VPS4A: variants seen among roughly 807,000 people sequenced by gnomAD.
The protein encoded by VPS4A is vacuolar protein sorting-associated protein 4A.
Under a neutral mutation model 52.3 loss-of-function variants are expected in VPS4A, and 20 were observed. The observed-to-expected ratio is 0.38, with a 90% CI of 0.27 to 0.56. The LOEUF (loss-of-function observed/expected upper bound fraction) is 0.56. Among genes scored for constraint, VPS4A ranks in the 20% least tolerant of loss-of-function variants. The probability of loss-of-function intolerance (pLI) is 0.72; values close to 1 mark genes in which losing one functional copy is unlikely to be tolerated. For missense variants in VPS4A, 419 were observed against 575.9 expected (o/e 0.73, Z 2.79); for synonymous variants, 293 against 227.7 (o/e 1.29, Z -2.58).
intron 1 of VPS4A, 74 bp from the exon 2 acceptor site, chr16:69,315,934 A>G (rs1597211526): frequency 1.5e-6 from 2 of 1,305,398 alleles, no homozygotes; most frequent in Non-Finnish European, 2.2e-6. Flanking sequence ...GTCACGTTTC[A>G]TCCCCATGCC....
At chr16:69,317,887 G>C (rs1965457974) in intron 3 of VPS4A, among the ~76,000 whole-genome samples, 1 of 151,616 alleles carries the variant, frequency 6.6e-6, no homozygotes, top group African/African-American at 2.4e-5. Flanking sequence ...CTTGAACCCG[G>C]GAGGCGGAGA....
chr16:69,322,859 G>A (rs1447617246), intron 10 of VPS4A, 159 bp downstream of exon 10: 1 of 837,586 alleles, frequency 1.2e-6, no homozygotes, highest in Non-Finnish European at 1.7e-6. Flanking sequence ...CACAAGGTTA[G>A]GAGTTCGAGA....
chr16:69,321,414 C>A lies in VPS4A; in HGVS notation c.1071+144C>A. The A allele has an allele frequency of 2.3e-6, 2 of 865,784 alleles. No homozygotes were observed. Among genetic ancestry groups the A allele is most frequent in the South Asian group, 1.7e-5 (1 of 57,820 alleles). The allele number at this position is 865,784 out of a possible 1,614,324, so 53.6% of individuals were successfully genotyped here. On this transcript the variant is annotated intron_variant, in intron 9 of 10. Transcript: ENST00000254950. This position sits in a 1 kb window ranked among gnomAD's most constrained non-coding sequence, Gnocchi z 4.5. ...CTCCTGGAGAGCCGAGGGCCAGTGCCATGGGGGCTGCACCCACTGTCCCCT... is the reference window on the plus strand; with the variant it reads ...CTCCTGGAGAGCCGAGGGCCAGTGCAATGGGGGCTGCACCCACTGTCCCCT...
chr16:69,313,447 T>A (rs1965401132), intron 1 of VPS4A, among the ~76,000 whole-genome samples: 1 of 152,142 alleles, frequency 6.6e-6, no homozygotes, highest in South Asian at 2.1e-4. Context: ...GCTAATCTAC[T>A]TTTTTTCTCT....
chr16:69,324,638 TA>T lies in VPS4A; in HGVS notation c.*333del. The T allele has an allele frequency of 3.6e-6, 1 of 275,820 alleles. No individual in the cohort carries two copies. Among genetic ancestry groups the T allele is most frequent in the Non-Finnish European group, 7.2e-6 (1 of 138,040 alleles). The allele number at this position is 275,820 out of a possible 1,614,324, so 17.1% of individuals were successfully genotyped here. ...TGGATTTTCATCTTATTTATAAAGA[TA>T]AAATCACCTGGAAGTGTCAAGGAGT... is the stretch of plus-strand genomic sequence containing the variant. On this transcript the variant is annotated 3_prime_UTR_variant, in exon 11 of 11. Coordinates refer to ENST00000254950, the MANE Select transcript of VPS4A (RefSeq NM_013245.3).
At chr16:69,324,183 C>T (rs1965553484) in intron 10 of VPS4A, 25 bp from the exon 11 acceptor site, 1 of 1,606,224 alleles carries the variant, frequency 6.2e-7, no homozygotes, top group Non-Finnish European at 8.5e-7. Flanking sequence ...GGCTCCTGCT[C>T]AGGCACATAC....
chr16:69,311,717 C>A (rs1369345699), intron 1 of VPS4A, among the ~76,000 whole-genome samples, 185 bp downstream of exon 1: 1 of 152,166 alleles, frequency 6.6e-6, no homozygotes, highest in African/African-American at 2.4e-5. Context: ...CGGGTGGCAT[C>A]TCCACCCTCA....
intron 5 of VPS4A, 37 bp downstream of exon 5, chr16:69,318,979 T>C (rs2143258923): frequency 1.2e-6 from 2 of 1,601,250 alleles, no homozygotes; most frequent in East Asian, 4.5e-5. Context: ...AATGTAAAAA[T>C]TCCAGGCTTC....
chr16:69,319,011 C>T, intron 5 of VPS4A, 69 bp downstream of exon 5: 1 of 1,571,570 alleles, frequency 6.4e-7, no homozygotes, highest in Non-Finnish European at 8.6e-7. Flanking sequence ...CACTCCGAGG[C>T]ACCCGGGAGT....
chr16:69,317,417 G>A (rs1362480146), intron 3 of VPS4A, among the ~76,000 whole-genome samples: 1 of 152,134 alleles, frequency 6.6e-6, no homozygotes, highest in African/African-American at 2.4e-5. Context: ...CAGCACTTTG[G>A]GAGGCCAACG....
At position 69,311,419 on chromosome 16, in the gene VPS4A, G is replaced by C; in HGVS notation, c.-93G>C. 8.3e-7 allele frequency: 1 copy of C among 1,210,776 alleles called. No homozygotes were observed. Among genetic ancestry groups the C allele is most frequent in the East Asian group, 3.4e-5 (1 of 29,016 alleles). The allele number at this position is 1,210,776 out of a possible 1,614,324, so 75.0% of individuals were successfully genotyped here. On this transcript the variant is annotated 5_prime_UTR_variant, in exon 1 of 11. Transcript: ENST00000254950. ...CACCGCGCTCAGCGCCCACCGCCGG[G>C]CTTCCCGCGCCGGACCCAGTACCTC...
At chr16:69,322,263 T>A (rs1186239059) in intron 9 of VPS4A, 7 of 240,998 alleles carry the variant, frequency 2.9e-5, no homozygotes, top group Non-Finnish European at 4.8e-5. Flanking sequence ...CAGTTCAAGT[T>A]GAAATGTGGG....
At position 69,316,287 on chromosome 16, in the gene VPS4A, C is replaced by T. The variant is rs1254993121; in HGVS notation, c.196C>T (p.Arg66Trp). ...IRAKCVQYLD[R>W]AEKLKDYLRS... ...AGCCAAGTGCGTGCAGTACCTAGAC[C>T]GGGCCGAGAAGCTGAAGGATTATTT... The change falls in exon 3 of 11, where the codon CGG becomes TGG. Residue 66 changes from arginine to tryptophan, a missense_variant. Transcript: ENST00000254950. 2 of 1,613,782 alleles carry T rather than the reference C, an allele frequency of 1.2e-6. No individual in the cohort carries two copies. The highest frequency in any genetic ancestry group is 1.1e-5 in the South Asian group (1 of 91,084).
At chr16:69,324,170 C>A (rs1965553242) in intron 10 of VPS4A, 38 bp from the exon 11 acceptor site, 1 of 1,598,912 alleles carries the variant, frequency 6.3e-7, no homozygotes, top group South Asian at 1.1e-5. Flanking sequence ...GGACCTGGAG[C>A]CTGGCTCCTG....
At position 69,320,469 on chromosome 16, in the gene VPS4A, C is replaced by T. The variant is rs71397910; in HGVS notation, c.769+180C>T. 2.4e-5 allele frequency: 22 copies of T among 900,054 alleles called. No homozygotes were observed. The highest frequency in any genetic ancestry group is 3.5e-4 in the Middle Eastern group (1 of 2,890). The allele number at this position is 900,054 out of a possible 1,614,324, so 55.8% of individuals were successfully genotyped here. ...AGAGGTGCCTGAGGCCTCTGCCTCA[C>T]GGGCCACTCCACCCCTCCCATGGCA... is the stretch of plus-strand genomic sequence containing the variant. On this transcript the variant is annotated intron_variant, in intron 7 of 10. Transcript: ENST00000254950. The surrounding 1 kb of genome is among the most constrained non-coding windows in gnomAD (Gnocchi z 4.2).
rs369119351 is a variant in VPS4A at position 69,320,107 on chromosome 16, C to G, written c.621-34C>G. 6.3e-7 allele frequency: 1 copy of G among 1,595,112 alleles called. No homozygotes were observed. The highest frequency in any genetic ancestry group is 1.1e-5 in the South Asian group (1 of 90,134). On this transcript the variant is annotated intron_variant, in intron 6 of 10. Transcript: ENST00000254950. The surrounding 1 kb of genome is among the most constrained non-coding windows in gnomAD (Gnocchi z 4.2). ...GAGCCCAGGCGGGCACGGACGTGAACGTCTTGTCCTCACCCCCTTTCTCAC... is the reference window on the plus strand; with the variant it reads ...GAGCCCAGGCGGGCACGGACGTGAAGGTCTTGTCCTCACCCCCTTTCTCAC...
intron 9 of VPS4A, chr16:69,322,292 A>G (rs1022263762): frequency 6.2e-6 from 2 of 323,804 alleles, no homozygotes; most frequent in Middle Eastern, 8.7e-4. Flanking sequence ...CAGCTAAACC[A>G]TATCACACTT....
Position 69,316,319 on chromosome 16 carries a change from CAA to C in VPS4A, c.230_231del (p.Lys77ArgfsTer14). On this transcript the variant is annotated frameshift_variant, in exon 3 of 11. Transcript: ENST00000254950. LOFTEE classifies it high-confidence loss of function. Reference protein sequence around the residue: ...AEKLKDYLRSKEKHGKKPVKE... With the variant: ...AEKLKDYLRSXEKHGKKPVKE... ...AGAAGCTGAAGGATTATTTACGAAG[CAA>C]AGAGAAACACGGCAAGAAGCCAGTC... is the stretch of plus-strand genomic sequence containing the variant. The C allele has an allele frequency of 6.2e-7, 1 of 1,613,850 alleles. No homozygotes were observed. The highest frequency in any genetic ancestry group is 8.5e-7 in the Non-Finnish European group (1 of 1,179,870).
chr16:69,319,505 C>T lies in VPS4A; in HGVS notation c.582C>T (p.Ser194=). 1.4e-5 allele frequency: 23 copies of T among 1,613,922 alleles called. No individual in the cohort carries two copies. Among genetic ancestry groups the T allele is most frequent in the Non-Finnish European group, 1.9e-5 (23 of 1,179,876 alleles). ...ANNSTFFSVS[S]SDLMSKWLGE... is the part of the protein sequence containing the mutation. ...ACTCCACCTTCTTCTCTGTGTCCTC[C>T]TCAGATCTGATGTCCAAGTGGCTGG... The change falls in exon 6 of 11, where the codon TCC becomes TCT. Residue 194 remains serine (S), a synonymous_variant. Transcript: ENST00000254950.
Sources: allele counts gnomAD v4.1 joint callset (sites outside exome capture counted in the v4.1 genomes callset), GRCh38; gene constraint gnomAD v4.1.1; non-coding constraint Gnocchi (gnomAD v3.1); transcripts MANE v1.5; gene names NCBI Gene and HGNC (gene_info 2026-07-23, HGNC 2026-07-21).